ATP8B3: variants seen among roughly 807,000 people sequenced by gnomAD.
ATP8B3 encodes ATPase phospholipid transporting 8B3, also known as phospholipid-transporting ATPase IK.
Under a neutral mutation model 140.9 loss-of-function variants are expected in ATP8B3, and 141 were observed. That is an observed-to-expected ratio of 1.00 (90% CI 0.87 to 1.15). The LOEUF is 1.15. Among genes scored for constraint, ATP8B3 ranks in the 50% most tolerant of loss-of-function variants. The pLI is 0.00. For missense variants in ATP8B3, 1,874 were observed against 1,740.6 expected (o/e 1.08, Z -1.36); for synonymous variants, 765 against 714.6 (o/e 1.07, Z -1.13).
At position 1,798,218 on chromosome 19, in the gene ATP8B3, G is replaced by A. The variant is rs1032742836; in HGVS notation, c.1553-1213C>T. Among the ~76,000 whole-genome samples the A allele has an allele frequency of 5.3e-5, 8 of 151,834 alleles. No individual in the cohort carries two copies. In the East Asian group the frequency reaches 1.2e-3, roughly 22 times the overall value. On this transcript the variant is annotated intron_variant, in intron 14 of 28. Transcript: ENST00000310127. ...ACTCCTGACCTCAGGTGATCCACCC[G>A]CCTCAACCTCGGGCCCATTTTTCTA...
chr19:1,788,177 T>G (rs912328774), intron 24 of ATP8B3, among the ~76,000 whole-genome samples: 2 of 152,212 alleles, frequency 1.3e-5, no homozygotes, highest in African/African-American at 4.8e-5. Flanking sequence ...TTCCCAGCAG[T>G]TTCCCTACAC....
Position 1,785,550 on chromosome 19 carries a change from C to G in ATP8B3, c.3312G>C (p.Thr1104=). Residue 1104 remains threonine, a synonymous_variant, in exon 26 of 29, where the codon ACG becomes ACC. Coordinates refer to ENST00000310127, the MANE Select transcript of ATP8B3 (RefSeq NM_138813.4). The part of the protein sequence containing the change: ...FFMTLWISRD[T]AGPASFSDHQ... ...GGTCGCTGAAGCTGGCGGGTCCCGC[C>G]GTGTCGCGGCTGATCCACAGTGTCA... 1 of 1,612,980 alleles carries G rather than the reference C, an allele frequency of 6.2e-7. No individual in the cohort carries two copies. Among genetic ancestry groups the G allele is most frequent in the Non-Finnish European group, 8.5e-7 (1 of 1,179,890 alleles).
At position 1,794,599 on chromosome 19, in the gene ATP8B3, G is replaced by T. The variant is rs1162817542; in HGVS notation, c.2055+1276C>A. Among the ~76,000 whole-genome samples the T allele has an allele frequency of 3.3e-5, 5 of 152,296 alleles. No homozygotes were observed. The South Asian group carries it at 1.0e-3, about 32-fold the overall frequency. On this transcript the variant is annotated intron_variant, in intron 18 of 28. Transcript: ENST00000310127. The surrounding 1 kb of genome is among the most constrained non-coding windows in gnomAD (Gnocchi z 4.8). The stretch of plus-strand genomic sequence containing the variant: ...GATGACAGCCCCATGTTGGCAGGGG[G>T]TGGGGCAGGAAAGGCCCCATGTGTG...
rs753939115 is a variant in ATP8B3 at position 1,796,898 on chromosome 19, C to G, written c.1585-19G>C. 1.9e-6 allele frequency: 3 copies of G among 1,610,362 alleles called. No individual in the cohort carries two copies. The highest frequency in any genetic ancestry group is 2.2e-5 in the East Asian group (1 of 44,804). ...GGTTCTCCTGGGGGTGGCGGGGGCA[C>G]GGGCCGGCTGTGGGTGGGCCGCTCC... On this transcript the variant is annotated intron_variant, in intron 15 of 28. Coordinates refer to ENST00000310127, the MANE Select transcript of ATP8B3 (RefSeq NM_138813.4).
chr19:1,797,146 C>T, intron 14 of ATP8B3, 141 bp from the exon 15 acceptor site: 1 of 1,331,200 alleles, frequency 7.5e-7, no homozygotes, highest in Non-Finnish European at 1.0e-6. Context: ...GAACCGACAC[C>T]CCGAGCAATC....
At chr19:1,786,111 G>A (rs1281161855) in intron 25 of ATP8B3, among the ~76,000 whole-genome samples, 2 of 152,060 alleles carry the variant, frequency 1.3e-5, no homozygotes, top group Non-Finnish European at 2.9e-5. Context: ...CAGCCTGGGT[G>A]AGAGAATGGG....
At position 1,802,045 on chromosome 19, in the gene ATP8B3, C is replaced by T. The variant is rs199983011; in HGVS notation, c.1064-1G>A. 250 of 1,609,554 alleles carry T rather than the reference C, an allele frequency of 1.6e-4. 1 individual carries two copies. In the African/African-American group the frequency reaches 3.0e-3, roughly 19 times the overall value. The stretch of plus-strand genomic sequence containing the variant: ...TTCTTCATAATTTTTGTGTCAAAAC[C>T]TACAAACATGTATCCATCTATCCAC... On this transcript the variant is annotated splice_acceptor_variant, in intron 11 of 28. Coordinates refer to ENST00000310127, the MANE Select transcript of ATP8B3 (RefSeq NM_138813.4). LOFTEE classifies it high-confidence loss of function.
At position 1,805,203 on chromosome 19, in the gene ATP8B3, G is replaced by T. The variant is rs1336184787; in HGVS notation, c.904+171C>A. The T allele has an allele frequency of 1.4e-6, 1 of 692,466 alleles. No homozygotes were observed. The highest frequency in any genetic ancestry group is 1.5e-5 in the South Asian group (1 of 66,070). The allele number at this position is 692,466 out of a possible 1,614,324, so 42.9% of individuals were successfully genotyped here. On this transcript the variant is annotated intron_variant, in intron 10 of 28. Transcript: ENST00000310127. This position sits in a 1 kb window ranked among gnomAD's most constrained non-coding sequence, Gnocchi z 5.2. Reference sequence around the variant, plus strand: ...TTGTCCAGGCTGGTCTTGAATTCCTGGGCTGAAGTGATTCTCCTGCCTCAG... The same window carrying T: ...TTGTCCAGGCTGGTCTTGAATTCCTTGGCTGAAGTGATTCTCCTGCCTCAG...
intron 3 of ATP8B3, 73 bp downstream of exon 3, chr19:1,810,549 C>T (rs2145212520): frequency 1.4e-6 from 2 of 1,453,300 alleles, no homozygotes; most frequent in East Asian, 5.0e-5. Flanking sequence ...CAGGGGAGAG[C>T]CACCACGCCT....
chr19:1,805,790 G>C lies in ATP8B3; in HGVS notation c.821+98C>G. 6.8e-7 allele frequency: 1 copy of C among 1,463,644 alleles called. No homozygotes were observed. The highest frequency in any genetic ancestry group is 9.4e-7 in the Non-Finnish European group (1 of 1,060,188). The allele number at this position is 1,463,644 out of a possible 1,614,324, so 90.7% of individuals were successfully genotyped here. On this transcript the variant is annotated intron_variant, in intron 9 of 28. Coordinates refer to ENST00000310127, the MANE Select transcript of ATP8B3 (RefSeq NM_138813.4). The surrounding 1 kb of genome is among the most constrained non-coding windows in gnomAD (Gnocchi z 5.2). Reference sequence around the variant, plus strand: ...GGGTGAGTGACCAAAGTCTCTGAGCGACCTTGGCTGGCCGCCTCCTTGGTG... The same window carrying C: ...GGGTGAGTGACCAAAGTCTCTGAGCCACCTTGGCTGGCCGCCTCCTTGGTG...
chr19:1,805,765 G>C lies in ATP8B3; in HGVS notation c.821+123C>G, dbSNP rs2068992128. The C allele has an allele frequency of 3.4e-6, 4 of 1,174,876 alleles. No individual in the cohort carries two copies. Among genetic ancestry groups the C allele is most frequent in the African/African-American group, 3.0e-5 (2 of 65,760 alleles). The allele number at this position is 1,174,876 out of a possible 1,614,324, so 72.8% of individuals were successfully genotyped here. On this transcript the variant is annotated intron_variant, in intron 9 of 28. Coordinates refer to ENST00000310127, the MANE Select transcript of ATP8B3 (RefSeq NM_138813.4). This position sits in a 1 kb window ranked among gnomAD's most constrained non-coding sequence, Gnocchi z 5.2. Reference sequence around the variant, plus strand: ...AGCACCCACGCCCCAGACACTCATGGGGTGAGTGACCAAAGTCTCTGAGCG... The same window carrying C: ...AGCACCCACGCCCCAGACACTCATGCGGTGAGTGACCAAAGTCTCTGAGCG...
At chr19:1,811,268 G>T (rs555828663) in intron 2 of ATP8B3, among the ~76,000 whole-genome samples, 1 of 152,202 alleles carries the variant, frequency 6.6e-6, no homozygotes, top group African/African-American at 2.4e-5. Context: ...GGAGGCAGAC[G>T]GACATCGTCA....
In ATP8B3 at chr19:1,806,117, G is replaced by A. The variant is rs567130127; in HGVS notation, c.730C>T (p.Arg244Cys). 3.1e-5 allele frequency: 50 copies of A among 1,603,308 alleles called. No individual in the cohort carries two copies. The highest frequency in any genetic ancestry group is 1.6e-4 in the South Asian group (14 of 89,618). ...DLCVGDVVCL[R>C]KDNIVPADML... ...CTCACTGGGACGATGTTGTCCTTGC[G>A]GAGACAGACCACATCCCCCACGCAC... The change falls in exon 8 of 29, where the codon CGC becomes TGC. Residue 244 changes from arginine (R) to cysteine (C), a missense_variant. Coordinates refer to ENST00000310127, the MANE Select transcript of ATP8B3 (RefSeq NM_138813.4). The surrounding 1 kb of genome is among the most constrained non-coding windows in gnomAD (Gnocchi z 5.6).
At position 1,805,270 on chromosome 19, in the gene ATP8B3, T is replaced by C. The variant is rs1183440262; in HGVS notation, c.904+104A>G. The C allele has an allele frequency of 2.5e-6, 3 of 1,182,590 alleles. No homozygotes were observed. In the Admixed American group the frequency reaches 6.0e-5, roughly 24 times the overall value. The allele number at this position is 1,182,590 out of a possible 1,614,324, so 73.3% of individuals were successfully genotyped here. A position where few individuals can be genotyped will look rare whatever the true frequency, so the allele number is the denominator to read the frequency against. On this transcript the variant is annotated intron_variant, in intron 10 of 28. Coordinates refer to ENST00000310127, the MANE Select transcript of ATP8B3 (RefSeq NM_138813.4). The surrounding 1 kb of genome is among the most constrained non-coding windows in gnomAD (Gnocchi z 5.2). ...GATTCCAGGTGTGAGCCACTGGGCC[T>C]GGCCAGCACCTTGTTTTAAAAACAG...
chr19:1,803,896 C>CAAAAA (rs56937286), intron 10 of ATP8B3, among the ~76,000 whole-genome samples: 1 of 72,402 alleles, frequency 1.4e-5, no homozygotes, highest in Non-Finnish European at 2.8e-5. Context: ...GACTCTGTCT[C>CAAAAA]AAAAAAAAAA....
At chr19:1,801,099 A>G (rs1266078893) in intron 12 of ATP8B3, among the ~76,000 whole-genome samples, 69 of 151,928 alleles carry the variant, frequency 4.5e-4, no homozygotes, top group Non-Finnish European at 2.2e-4. Context: ...AGGTGCTGGG[A>G]TTACAGGTGT....
intron 3 of ATP8B3, 107 bp downstream of exon 3, chr19:1,810,515 C>T (rs569675796): frequency 3.5e-6 from 4 of 1,146,012 alleles, no homozygotes; most frequent in Non-Finnish European, 4.8e-6. Context: ...CCACCCGCCT[C>T]AGCCTCCCAA....
In ATP8B3 at chr19:1,807,271, CG is replaced by C. The variant is rs1555812050; in HGVS notation, c.517-6del. Reference sequence around the variant, plus strand: ...CGTGGAGATGTCGGGAATGCTCTGACGTGAGGGGGCCACAGGAAGGGTCACA... The same window carrying C: ...CGTGGAGATGTCGGGAATGCTCTGACTGAGGGGGCCACAGGAAGGGTCACA... On this transcript the variant is annotated splice_region_variant and splice_polypyrimidine_tract_variant and intron_variant, in intron 5 of 28. Transcript: ENST00000310127. This position sits in a 1 kb window ranked among gnomAD's most constrained non-coding sequence, Gnocchi z 5.9. 1.2e-6 allele frequency: 2 copies of C among 1,609,378 alleles called. No homozygotes were observed. Among genetic ancestry groups the C allele is most frequent in the Non-Finnish European group, 1.7e-6 (2 of 1,177,464 alleles).
Position 1,806,135 on chromosome 19 carries a change from C to A in ATP8B3, c.712G>T (p.Gly238Trp). Reference sequence around the variant, plus strand: ...TCCTTGCGGAGACAGACCACATCCCCCACGCACAGATCCTGCCATTTCTTC... The same window carrying A: ...TCCTTGCGGAGACAGACCACATCCCACACGCACAGATCCTGCCATTTCTTC... ...KQKKWQDLCV[G>W]DVVCLRKDNI... Residue 238 changes from glycine to tryptophan, a missense_variant, in exon 8 of 29, where the codon GGG becomes TGG. Coordinates refer to ENST00000310127, the MANE Select transcript of ATP8B3 (RefSeq NM_138813.4). The surrounding 1 kb of genome is among the most constrained non-coding windows in gnomAD (Gnocchi z 5.6). The A allele has an allele frequency of 6.2e-7, 1 of 1,601,662 alleles. No homozygotes were observed. The highest frequency in any genetic ancestry group is 2.3e-5 in the East Asian group (1 of 44,154).
Sources: allele counts gnomAD v4.1 joint callset (sites outside exome capture counted in the v4.1 genomes callset), GRCh38; gene constraint gnomAD v4.1.1; non-coding constraint Gnocchi (gnomAD v3.1); transcripts MANE v1.5; gene names NCBI Gene and HGNC (gene_info 2026-07-23, HGNC 2026-07-21).